Variants in CEP350 observed in about 807,000 individuals in gnomAD.
CEP350 encodes centrosomal protein 350.
Under a neutral mutation model 331.8 loss-of-function variants are expected in CEP350, and 126 were observed. The ratio of observed to expected loss-of-function variants is 0.38; its 90% CI spans 0.33 to 0.44. The LOEUF (loss-of-function observed/expected upper bound fraction) is 0.44. Among genes scored for constraint, CEP350 ranks in the 20% least tolerant of loss-of-function variants. CEP350 has a pLI of 1.00. For missense variants in CEP350, 3,406 were observed against 3,634.6 expected, an observed-to-expected ratio of 0.94 and a Z score of 1.62; for synonymous variants, 1,200 against 1,259.5, an observed-to-expected ratio of 0.95 and a Z score of 1.00.
intron 17 of CEP350, 113 bp downstream of exon 17, chr1:180,037,202 A>G: frequency 1.2e-6 from 1 of 849,256 alleles, no homozygotes; most frequent in Non-Finnish European, 1.7e-6. Context: ...AGTCTGCCAT[A>G]TAGCACCTAT....
In CEP350 at chr1:179,958,986, G is replaced by A. The variant is rs1404567004; in HGVS notation, c.-14+3844G>A. Among the ~76,000 whole-genome samples, 3 of 152,044 alleles carry A rather than the reference G, an allele frequency of 2.0e-5. No homozygotes were observed. In the East Asian group the frequency reaches 5.8e-4, roughly 29 times the overall value. ...TTTCTTTTTTACTTTAGACATTTTT[G>A]TATGGTTTTATTGTAAGAATCACTT... On this transcript the variant is annotated intron_variant, in intron 1 of 37. Transcript: ENST00000367607.
chr1:179,979,213 A>G (rs1316133998), intron 1 of CEP350, among the ~76,000 whole-genome samples: 1 of 151,984 alleles, frequency 6.6e-6, no homozygotes, highest in Non-Finnish European at 1.5e-5. Flanking sequence ...CTTTTTCTGT[A>G]TATCCTCGCT....
At chr1:180,047,746 A>G (rs1657220092) in intron 21 of CEP350, among the ~76,000 whole-genome samples, 1 of 129,752 alleles carries the variant, frequency 7.7e-6, no homozygotes, top group Non-Finnish European at 1.6e-5. Flanking sequence ...GGGCGACAGA[A>G]TGAAACTCCT....
At chr1:180,006,730 G>A (rs1654283684) in intron 8 of CEP350, among the ~76,000 whole-genome samples, 163 bp downstream of exon 8, 1 of 152,068 alleles carries the variant, frequency 6.6e-6, no homozygotes, top group South Asian at 2.1e-4. Context: ...TCTACATTAG[G>A]TATTTTTCCT....
At chr1:180,012,472 T>G (rs1324156279) in intron 9 of CEP350, among the ~76,000 whole-genome samples, 6 of 152,196 alleles carry the variant, frequency 3.9e-5, no homozygotes, top group African/African-American at 1.4e-4. Context: ...AAACAGGCTC[T>G]GAAAGAGAAG....
chr1:180,005,041 C>T (rs1654165237), intron 7 of CEP350, among the ~76,000 whole-genome samples: 1 of 149,502 alleles, frequency 6.7e-6, no homozygotes, highest in Non-Finnish European at 1.5e-5. Flanking sequence ...TTCTCTCTCT[C>T]CAATCCCCCT....
chr1:179,959,933 C>G (rs983910249), intron 1 of CEP350, among the ~76,000 whole-genome samples: 6 of 137,872 alleles, frequency 4.4e-5, no homozygotes, highest in Non-Finnish European at 8.2e-5. Flanking sequence ...AAACTGTGCA[C>G]TGAAGTAAAT....
chr1:179,959,774 A>C (rs1050918848), intron 1 of CEP350, among the ~76,000 whole-genome samples: 10 of 152,158 alleles, frequency 6.6e-5, no homozygotes, highest in Non-Finnish European at 1.2e-4. Flanking sequence ...AACAAACAAA[A>C]AAACTTTTGT....
chr1:180,087,440 GA>G (rs1659932079), intron 31 of CEP350, 137 bp from the exon 32 acceptor site: 2 of 695,292 alleles, frequency 2.9e-6, no homozygotes, highest in South Asian at 2.6e-5. Flanking sequence ...GAATGATGCT[GA>G]GGGGGGCAGG....
intron 16 of CEP350, 33 bp from the exon 17 acceptor site, chr1:180,036,893 A>G (rs1471488139): frequency 2.0e-6 from 3 of 1,472,642 alleles, no homozygotes; most frequent in Admixed American, 2.8e-5. Flanking sequence ...TTTCATGTTA[A>G]CTTTTCCATT....
chr1:179,981,748 C>G (rs1652284627), intron 1 of CEP350, among the ~76,000 whole-genome samples: 1 of 152,120 alleles, frequency 6.6e-6, no homozygotes, highest in South Asian at 2.1e-4. Context: ...CACCCATGAT[C>G]CCAGCACTTT....
chr1:179,961,425 GCGACAGAGAGA>G (rs1384159270), intron 1 of CEP350, among the ~76,000 whole-genome samples: 18 of 152,104 alleles, frequency 1.2e-4, no homozygotes, highest in Middle Eastern at 3.2e-3. Flanking sequence ...TCCAGCCAGG[GCGACAGAGAGA>G]CTGTGTCTCA....
chr1:180,050,480 TGG>T (rs1657412194), intron 22 of CEP350, among the ~76,000 whole-genome samples: 2 of 151,902 alleles, frequency 1.3e-5, no homozygotes, highest in Admixed American at 1.3e-4. Flanking sequence ...CTGGCCAACA[TGG>T]TGAAACCCCA....
intron 22 of CEP350, chr1:180,052,164 C>G: frequency 2.2e-6 from 1 of 452,500 alleles, no homozygotes; most frequent in South Asian, 1.6e-5. Context: ...AGCAGTGATA[C>G]AACTGTAGTA....
chr1:180,089,391 T>C (rs1394448424), intron 32 of CEP350, among the ~76,000 whole-genome samples: 1 of 152,074 alleles, frequency 6.6e-6, no homozygotes, highest in African/African-American at 2.4e-5. Flanking sequence ...GAGACTAGCC[T>C]GACCAACATG....
intron 9 of CEP350, 100 bp downstream of exon 9, chr1:180,012,175 CT>C: frequency 8.7e-7 from 1 of 1,144,366 alleles, no homozygotes; most frequent in Non-Finnish European, 1.2e-6. Flanking sequence ...TAGGACTTTG[CT>C]TTATAATTTT....
chr1:180,025,540 A>G (rs1336292539), intron 14 of CEP350, among the ~76,000 whole-genome samples: 5 of 152,194 alleles, frequency 3.3e-5, no homozygotes, highest in African/African-American at 4.8e-5. Context: ...GATTAGGCAA[A>G]GGCTTTGTAA....
intron 6 of CEP350, among the ~76,000 whole-genome samples, chr1:179,997,385 CA>C (rs1272003863): frequency 6.6e-6 from 1 of 151,140 alleles, no homozygotes. Context: ...ACTAAAAATA[CA>C]AAAAAAATTA....
In CEP350 at chr1:180,048,438, C is replaced by T. The variant is rs1657271566; in HGVS notation, c.4623-98C>T. On this transcript the variant is annotated intron_variant, in intron 21 of 37. Transcript: ENST00000367607. ...ACATCTTTCTTCATTTTTATCTTGA[C>T]TATAAAGTACAGTCATTTGGCCAAA... The T allele has an allele frequency of 5.6e-6, 4 of 720,710 alleles. No homozygotes were observed. In the African/African-American group the frequency reaches 7.2e-5, roughly 13 times the overall value. 44.6% of individuals were successfully genotyped at this position (720,710 alleles called of 1,614,324 possible). A position where few individuals can be genotyped will look rare whatever the true frequency, so the allele number is the denominator to read the frequency against.
Sources: gnomAD v4.1 joint callset for allele counts (sites outside exome capture counted in the v4.1 genomes callset) on GRCh38, gnomAD v4.1.1 for gene constraint, MANE v1.5 for transcripts, NCBI Gene and HGNC (gene_info 2026-07-23, HGNC 2026-07-21) for gene names.